The following KDM2B variants were observed in gnomAD, a reference collection of about 807,000 sequenced individuals.
The protein encoded by KDM2B is lysine demethylase 2B.
KDM2B carries 26 observed loss-of-function variants against 150.0 expected under a neutral mutation model. The observed-to-expected ratio is 0.17, with a 90% CI of 0.13 to 0.24. The LOEUF (loss-of-function observed/expected upper bound fraction) is 0.24. KDM2B is among the 10% of genes least tolerant of loss of function. The probability of loss-of-function intolerance (pLI) is 1.00; values close to 1 mark genes in which losing one functional copy is unlikely to be tolerated. For synonymous variants in KDM2B, 734 were observed against 729.5 expected, an observed-to-expected ratio of 1.01 and a Z score of -0.10; for missense variants, 1,265 against 1,816.9, an observed-to-expected ratio of 0.70 and a Z score of 5.52.
intron 6 of KDM2B, among the ~76,000 whole-genome samples, chr12:121,541,442 G>C (rs1313838336): frequency 6.8e-6 from 1 of 148,146 alleles, no homozygotes; most frequent in African/African-American, 2.5e-5. Flanking sequence ...AAGGAGGGAG[G>C]GAGGGAGGGA....
At position 121,521,267 on chromosome 12, in the gene KDM2B, C is replaced by A. The variant is rs892313126; in HGVS notation, c.932-167G>T. Among the ~76,000 whole-genome samples, 27 of 152,320 alleles carry A rather than the reference C, an allele frequency of 1.8e-4. No homozygotes were observed. Among genetic ancestry groups the A allele is most frequent in the African/African-American group, 6.3e-4 (26 of 41,572 alleles). On this transcript the variant is annotated intron_variant, in intron 8 of 22. Coordinates refer to ENST00000377071, the MANE Select transcript of KDM2B (RefSeq NM_032590.5). The surrounding 1 kb of genome is among the most constrained non-coding windows in gnomAD (Gnocchi z 4.9). ...CCAGCAATGCCTGCTGCACAACGCC[C>A]AGGCCTGAGCCGCCGAGAGGACTCA...
chr12:121,492,570 AGTACTGG>A (rs1333740914), intron 12 of KDM2B, among the ~76,000 whole-genome samples: 1 of 152,030 alleles, frequency 6.6e-6, no homozygotes, highest in Non-Finnish European at 1.5e-5. Flanking sequence ...GGCCTCTCAA[AGTACTGG>A]GATTACAGGC....
intron 4 of KDM2B, among the ~76,000 whole-genome samples, chr12:121,569,846 C>CTTTCTT (rs539111917): frequency 1.4e-5 from 2 of 145,830 alleles, no homozygotes; most frequent in African/African-American, 5.1e-5. Flanking sequence ...TTCTTTCTTT[C>CTTTCTT]TTTTTTTTTT....
At chr12:121,567,701 C>T (rs181009816) in intron 4 of KDM2B, among the ~76,000 whole-genome samples, 22 of 147,260 alleles carry the variant, frequency 1.5e-4, no homozygotes, top group Non-Finnish European at 6.0e-5. Flanking sequence ...TCAGAAAATA[C>T]ATTTCTTTTT....
chr12:121,567,901 G>A (rs1026075027), intron 4 of KDM2B, among the ~76,000 whole-genome samples: 2 of 151,608 alleles, frequency 1.3e-5, no homozygotes, highest in African/African-American at 2.4e-5. Context: ...GCTAATTTTT[G>A]TATTTTTAGT....
intron 6 of KDM2B, chr12:121,536,106 G>C (rs1358631555): frequency 2.0e-6 from 2 of 984,854 alleles, no homozygotes; most frequent in Admixed American, 6.1e-5. Context: ...AGCCAGCAGC[G>C]CGCCGGCACG....
rs200754354 is a variant in KDM2B at position 121,521,141 on chromosome 12, C to T, written c.932-41G>A. On this transcript the variant is annotated intron_variant, in intron 8 of 22. Transcript: ENST00000377071. This position sits in a 1 kb window ranked among gnomAD's most constrained non-coding sequence, Gnocchi z 4.9. Reference sequence around the variant, plus strand: ...CAAGGAGAGGATGAGCCGCTGGCCCCTGTGGGCTCCCACACCTCACAAGGC... The same window carrying T: ...CAAGGAGAGGATGAGCCGCTGGCCCTTGTGGGCTCCCACACCTCACAAGGC... 61 of 1,402,066 alleles carry T rather than the reference C, an allele frequency of 4.4e-5. No homozygotes were observed. Among genetic ancestry groups the T allele is most frequent in the Admixed American group, 8.5e-5 (5 of 58,838 alleles). The allele number at this position is 1,402,066 out of a possible 1,614,324, so 86.9% of individuals were successfully genotyped here.
In KDM2B at chr12:121,500,176, A is replaced by AG. The variant is rs537741393; in HGVS notation, c.1648-5512dup. ...ATTGGAGATTTCATCTCTGAGAAAT[A>AG]GGTTGTGCTGGAGGGAATCATGTCA... On this transcript the variant is annotated intron_variant, in intron 11 of 22. Coordinates refer to ENST00000377071, the MANE Select transcript of KDM2B (RefSeq NM_032590.5). Among the ~76,000 whole-genome samples the AG allele has an allele frequency of 3.2e-4, 48 of 152,176 alleles. No homozygotes were observed. In the South Asian group the frequency reaches 1.0e-2, roughly 32 times the overall value.
intron 11 of KDM2B, among the ~76,000 whole-genome samples, chr12:121,507,099 G>GAAA (rs577971662): frequency 2.5e-5 from 1 of 39,368 alleles, no homozygotes; most frequent in Non-Finnish European, 5.8e-5. Context: ...TCTGTCTCAA[G>GAAA]AAAAAAAAAA....
intron 12 of KDM2B, among the ~76,000 whole-genome samples, chr12:121,490,133 G>C (rs192419261): frequency 6.6e-6 from 1 of 152,212 alleles, no homozygotes; most frequent in African/African-American, 2.4e-5. Context: ...AGGCCTCTGG[G>C]ATGGAACGGA....
At chr12:121,448,740 G>A (rs925501958) in intron 13 of KDM2B, among the ~76,000 whole-genome samples, 37 of 152,192 alleles carry the variant, frequency 2.4e-4, no homozygotes, top group African/African-American at 7.2e-4. Context: ...GGCAGTCATC[G>A]TTCCTTCCAC....
intron 21 of KDM2B, 52 bp from the exon 22 acceptor site, chr12:121,440,127 G>C: frequency 1.4e-6 from 2 of 1,411,304 alleles, no homozygotes; most frequent in Non-Finnish European, 2.0e-6. Flanking sequence ...GAGGAGGCCT[G>C]GTCATGCTGA....
downstream of KDM2B, among the ~76,000 whole-genome samples, chr12:121,427,155 C>T (rs546277818): frequency 3.0e-4 from 45 of 152,272 alleles, no homozygotes; most frequent in African/African-American, 8.7e-4. Context: ...GTTTATGGTC[C>T]TTTCATTACT....
chr12:121,579,030 TG>T, intron 1 of KDM2B, 84 bp from the exon 2 acceptor site: 1 of 1,458,724 alleles, frequency 6.9e-7, no homozygotes, highest in African/African-American at 1.4e-5. Flanking sequence ...CACTAACAGG[TG>T]CAGCAGCCGA....
intron 12 of KDM2B, among the ~76,000 whole-genome samples, chr12:121,482,110 G>T (rs939980006): frequency 7.9e-5 from 12 of 151,908 alleles, no homozygotes; most frequent in Non-Finnish European, 1.5e-5. Context: ...TCAGCCAGCT[G>T]AGCAGGTTAT....
At chr12:121,439,681 A>T (rs2137909191) in intron 22 of KDM2B, among the ~76,000 whole-genome samples, 176 bp downstream of exon 22, 1 of 152,252 alleles carries the variant, frequency 6.6e-6, no homozygotes, top group African/African-American at 2.4e-5. Context: ...CACCCGGCCA[A>T]CAGTAACTCT....
chr12:121,536,525 C>A (rs1448928403), intron 6 of KDM2B, among the ~76,000 whole-genome samples: 2 of 152,226 alleles, frequency 1.3e-5, no homozygotes, highest in Non-Finnish European at 2.9e-5. Context: ...CCTGGGTGAT[C>A]CTCTTCTCTC....
At chr12:121,445,045 C>T (rs191564824) in intron 14 of KDM2B, 133 of 533,858 alleles carry the variant, frequency 2.5e-4, no homozygotes, top group African/African-American at 2.4e-3. Flanking sequence ...CTCTCTGGTT[C>T]TGACATCCTG....
chr12:121,533,509 C>T lies in KDM2B; in HGVS notation c.778-550G>A, dbSNP rs148263832. Among the ~76,000 whole-genome samples the T allele has an allele frequency of 3.3e-5, 5 of 152,290 alleles. No homozygotes were observed. Among genetic ancestry groups the T allele is most frequent in the Admixed American group, 1.3e-4 (2 of 15,284 alleles). On this transcript the variant is annotated intron_variant, in intron 7 of 22. Transcript: ENST00000377071. This position sits in a 1 kb window ranked among gnomAD's most constrained non-coding sequence, Gnocchi z 4.1. ...TCCATCAGGGACACCCACATCCCCA[C>T]GTGGACACGCAACAAAAGCAGACAC...
Sources: gnomAD v4.1 joint callset for allele counts (sites outside exome capture counted in the v4.1 genomes callset) on GRCh38, gnomAD v4.1.1 for gene constraint, Gnocchi (gnomAD v3.1) non-coding constraint, MANE v1.5 for transcripts, NCBI Gene and HGNC (gene_info 2026-07-23, HGNC 2026-07-21) for gene names.